The following ESS2 variants were observed in gnomAD, a reference collection of about 807,000 sequenced individuals.
ESS2 encodes the protein ess-2 spliceosome associated protein.
Under a neutral mutation model 52.0 loss-of-function variants are expected in ESS2, and 31 were observed. That is an observed-to-expected ratio of 0.60 (90% CI 0.45 to 0.81). The LOEUF (loss-of-function observed/expected upper bound fraction) is 0.81. Among genes scored for constraint, ESS2 ranks in the 30% least tolerant of loss-of-function variants. The pLI is 0.00. For synonymous variants in ESS2, 285 were observed against 259.2 expected, an observed-to-expected ratio of 1.10 and a Z score of -0.95; for missense variants, 602 against 637.2, an observed-to-expected ratio of 0.94 and a Z score of 0.59.
intron 1 of ESS2, chr22:19,143,964 C>A: frequency 1.1e-6 from 1 of 876,750 alleles, no homozygotes; most frequent in Non-Finnish European, 1.4e-6. Context: ...TGCTCCCGAG[C>A]TGCATATCTG....
At chr22:19,135,447 T>C (rs1361716916) in intron 8 of ESS2, among the ~76,000 whole-genome samples, 1 of 152,232 alleles carries the variant, frequency 6.6e-6, no homozygotes, top group Non-Finnish European at 1.5e-5. Flanking sequence ...AGTGTTTCCC[T>C]GATTATCAGA....
At chr22:19,134,511 G>C (rs1286665756) in intron 9 of ESS2, 36 bp from the exon 10 acceptor site, 1 of 1,491,592 alleles carries the variant, frequency 6.7e-7, no homozygotes, top group Non-Finnish European at 8.9e-7. Flanking sequence ...GGCAGGGTTA[G>C]GTGGGCTGAG....
In ESS2 at chr22:19,132,492, G is replaced by C; in HGVS notation, c.*1704C>G. 1 of 1,588,838 alleles carries C rather than the reference G, an allele frequency of 6.3e-7. No homozygotes were observed. Among genetic ancestry groups the C allele is most frequent in the South Asian group, 1.1e-5 (1 of 87,904 alleles). On this transcript the variant is annotated 3_prime_UTR_variant, in exon 10 of 10. Transcript: ENST00000252137. The surrounding 1 kb of genome is among the most constrained non-coding windows in gnomAD (Gnocchi z 4.2). Reference sequence around the variant, plus strand: ...AAGCACCTAGCATGACAATGGCCCCGTTGTGTGTGGTGGGGGTCGGGGTTG... The same window carrying C: ...AAGCACCTAGCATGACAATGGCCCCCTTGTGTGTGGTGGGGGTCGGGGTTG...
At position 19,132,204 on chromosome 22, in the gene ESS2, C is replaced by T; in HGVS notation, c.*1992G>A. The stretch of plus-strand genomic sequence containing the variant: ...GCTCCACATCGATGAGATCCTCAGC[C>T]ACTCGTGGCTGCAGCCCCCCAAGCC... On this transcript the variant is annotated 3_prime_UTR_variant, in exon 10 of 10. Coordinates refer to ENST00000252137, the MANE Select transcript of ESS2 (RefSeq NM_022719.3). The surrounding 1 kb of genome is among the most constrained non-coding windows in gnomAD (Gnocchi z 4.2). 6.2e-7 allele frequency: 1 copy of T among 1,612,648 alleles called. No individual in the cohort carries two copies. Among genetic ancestry groups the T allele is most frequent in the Non-Finnish European group, 8.5e-7 (1 of 1,178,916 alleles).
intron 3 of ESS2, among the ~76,000 whole-genome samples, chr22:19,142,225 CA>C (rs1250713638): frequency 2.0e-5 from 3 of 152,188 alleles, no homozygotes. Flanking sequence ...GGCCCTGAGG[CA>C]TCTTCAGGAT....
intron 1 of ESS2, among the ~76,000 whole-genome samples, chr22:19,143,216 A>AC (rs1555916426): frequency 6.6e-6 from 1 of 150,972 alleles, no homozygotes; most frequent in Non-Finnish European, 1.5e-5. Context: ...AAAAAAAAAA[A>AC]AAAAGAAAAA....
In ESS2 at chr22:19,142,711, A is replaced by G. The variant is rs780933543; in HGVS notation, c.304+15T>C. The stretch of plus-strand genomic sequence containing the variant: ...GCAGGCTTTCCCCTCTCCGCCACCC[A>G]CAGGGTCCTCATACAGGGTGGCGGG... On this transcript the variant is annotated intron_variant, in intron 2 of 9. Transcript: ENST00000252137. 5.6e-6 allele frequency: 9 copies of G among 1,612,322 alleles called. No individual in the cohort carries two copies. The African/African-American group carries it at 1.1e-4, about 19-fold the overall frequency.
At position 19,134,328 on chromosome 22, in the gene ESS2, A is replaced by G. The variant is rs757580968; in HGVS notation, c.1299T>C (p.Ser433=). Residue 433 remains serine, a synonymous_variant, in exon 10 of 10, where the codon AGT becomes AGC. Transcript: ENST00000252137. ...ARSTHLKTPA[S]GLQTPTSTPA... is the part of the protein sequence containing the mutation. ...GTGTGCTTGTGGGGGTCTGCAGCCCACTGGCCGGGGTCTTGAGGTGGGTGG... is the reference window on the plus strand; with the variant it reads ...GTGTGCTTGTGGGGGTCTGCAGCCCGCTGGCCGGGGTCTTGAGGTGGGTGG... The G allele has an allele frequency of 6.2e-7, 1 of 1,610,700 alleles. No individual in the cohort carries two copies. Among genetic ancestry groups the G allele is most frequent in the Non-Finnish European group, 8.5e-7 (1 of 1,178,386 alleles).
At chr22:19,138,038 A>G (rs1371999565) in intron 7 of ESS2, 177 bp downstream of exon 7, 2 of 985,254 alleles carry the variant, frequency 2.0e-6, no homozygotes, top group Admixed American at 6.1e-5. Flanking sequence ...CACGGCCCCA[A>G]GCAGCCTGGA....
Position 19,131,796 on chromosome 22 carries a change from G to A in ESS2, c.*2400C>T, listed in dbSNP as rs770309762. On this transcript the variant is annotated 3_prime_UTR_variant, in exon 10 of 10. Coordinates refer to ENST00000252137, the MANE Select transcript of ESS2 (RefSeq NM_022719.3). The surrounding 1 kb of genome is among the most constrained non-coding windows in gnomAD (Gnocchi z 5.7). ...CAAGTACTGCCACGACCTGGACATCGTCCACCGGGACCTCAAGTGCGAGAA... is the reference window on the plus strand; with the variant it reads ...CAAGTACTGCCACGACCTGGACATCATCCACCGGGACCTCAAGTGCGAGAA... The A allele has an allele frequency of 2.5e-5, 40 of 1,614,002 alleles. No individual in the cohort carries two copies. In the East Asian group the frequency reaches 6.2e-4, roughly 25 times the overall value.
At chr22:19,134,588 G>A (rs1478126962) in intron 9 of ESS2, 113 bp from the exon 10 acceptor site, 1 of 1,180,344 alleles carries the variant, frequency 8.5e-7, no homozygotes, top group Non-Finnish European at 1.1e-6. Context: ...GTCACTCTGA[G>A]CTGAGGAGGA....
Position 19,132,677 on chromosome 22 carries a change from A to G in ESS2, c.*1519T>C, listed in dbSNP as rs1363668380. 1.7e-5 allele frequency: 10 copies of G among 604,838 alleles called. No individual in the cohort carries two copies. The highest frequency in any genetic ancestry group is 2.6e-5 in the Non-Finnish European group (9 of 343,228). The allele number at this position is 604,838 out of a possible 1,614,324, so 37.5% of individuals were successfully genotyped here. A position where few individuals can be genotyped will look rare whatever the true frequency, so the allele number is the denominator to read the frequency against. ...CAAAGACGTTCCTTACTGACCACCA[A>G]ATAAACCACAGGGTGTGTGCAAGCA... On this transcript the variant is annotated 3_prime_UTR_variant, in exon 10 of 10. Coordinates refer to ENST00000252137, the MANE Select transcript of ESS2 (RefSeq NM_022719.3). The surrounding 1 kb of genome is among the most constrained non-coding windows in gnomAD (Gnocchi z 4.2).
intron 3 of ESS2, 81 bp from the exon 4 acceptor site, chr22:19,140,105 GCC>G: frequency 6.5e-7 from 1 of 1,528,422 alleles, no homozygotes; most frequent in South Asian, 1.1e-5. Flanking sequence ...AGGAATCATA[GCC>G]CCCAACATGC....
chr22:19,137,315 C>G lies in ESS2; in HGVS notation c.1035+8G>C, dbSNP rs1384653508. The G allele has an allele frequency of 6.2e-7, 1 of 1,607,250 alleles. No homozygotes were observed. Among genetic ancestry groups the G allele is most frequent in the Non-Finnish European group, 8.5e-7 (1 of 1,175,606 alleles). Reference sequence around the variant, plus strand: ...GTCGCACACAGTTCCCCCATCACCACAACCCACCTTAAAAGCTGGGCCGGG... The same window carrying G: ...GTCGCACACAGTTCCCCCATCACCAGAACCCACCTTAAAAGCTGGGCCGGG... On this transcript the variant is annotated splice_region_variant and intron_variant, in intron 8 of 9. Transcript: ENST00000252137.
In ESS2 at chr22:19,144,605, C is replaced by T; in HGVS notation, c.36G>A (p.Leu12=). The T allele has an allele frequency of 6.3e-7, 1 of 1,591,088 alleles. No homozygotes were observed. The highest frequency in any genetic ancestry group is 8.6e-7 in the Non-Finnish European group (1 of 1,167,726). Residue 12 remains leucine, a synonymous_variant, in exon 1 of 10, where the codon TTG becomes TTA. Transcript: ENST00000252137. ...ETPGASASSL[L]LPAASRPPRK... ...TCGGGGGCCTGGACGCGGCGGGAAG[C>T]AACAAGGACGACGCTGATGCGCCCG...
Position 19,144,579 on chromosome 22 carries a change from C to T in ESS2, c.62G>A (p.Arg21Lys), listed in dbSNP as rs1288488136. 1.2e-6 allele frequency: 2 copies of T among 1,604,460 alleles called. No homozygotes were observed. The highest frequency in any genetic ancestry group is 2.3e-5 in the East Asian group (1 of 44,046). The change falls in exon 1 of 10, where the codon AGG becomes AAG. Residue 21 changes from arginine to lysine, a missense_variant. Arg to Lys is a conservative substitution (Grantham distance 26). Coordinates refer to ENST00000252137, the MANE Select transcript of ESS2 (RefSeq NM_022719.3). ...LLLPAASRPP[R>K]KREAGEAGAA... Reference sequence around the variant, plus strand: ...CCCAGCCTCTCCCGCCTCGCGCTTCCTCGGGGGCCTGGACGCGGCGGGAAG... The same window carrying T: ...CCCAGCCTCTCCCGCCTCGCGCTTCTTCGGGGGCCTGGACGCGGCGGGAAG...
In ESS2 at chr22:19,137,320, C is replaced by T; in HGVS notation, c.1035+3G>A. The T allele has an allele frequency of 6.2e-7, 1 of 1,609,542 alleles. No homozygotes were observed. Among genetic ancestry groups the T allele is most frequent in the Non-Finnish European group, 8.5e-7 (1 of 1,177,176 alleles). On this transcript the variant is annotated splice_donor_region_variant and intron_variant, in intron 8 of 9. Coordinates refer to ENST00000252137, the MANE Select transcript of ESS2 (RefSeq NM_022719.3). Reference sequence around the variant, plus strand: ...ACACAGTTCCCCCATCACCACAACCCACCTTAAAAGCTGGGCCGGGTGTCC... The same window carrying T: ...ACACAGTTCCCCCATCACCACAACCTACCTTAAAAGCTGGGCCGGGTGTCC...
In ESS2 at chr22:19,132,142, T is replaced by G; in HGVS notation, c.*2054A>C. On this transcript the variant is annotated 3_prime_UTR_variant, in exon 10 of 10. Transcript: ENST00000252137. This position sits in a 1 kb window ranked among gnomAD's most constrained non-coding sequence, Gnocchi z 4.2. ...AACCTGACCTGCGAGTGCAAGGACC[T>G]CATCTACCGCATGCTGCAGCCCGAC... 6.2e-7 allele frequency: 1 copy of G among 1,613,092 alleles called. No homozygotes were observed. Among genetic ancestry groups the G allele is most frequent in the Non-Finnish European group, 8.5e-7 (1 of 1,179,230 alleles).
At chr22:19,139,830 G>C in intron 4 of ESS2, 25 bp downstream of exon 4, 1 of 1,613,944 alleles carries the variant, frequency 6.2e-7, no homozygotes, top group Non-Finnish European at 8.5e-7. Flanking sequence ...CTACGCCTAT[G>C]TGACACCCCA....
Sources: gnomAD v4.1 joint callset for allele counts (sites outside exome capture counted in the v4.1 genomes callset) on GRCh38, gnomAD v4.1.1 for gene constraint, Gnocchi (gnomAD v3.1) non-coding constraint, MANE v1.5 for transcripts, NCBI Gene and HGNC (gene_info 2026-07-23, HGNC 2026-07-21) for gene names.